TNFSF4: variants seen among roughly 807,000 people sequenced by gnomAD.
TNFSF4 encodes the protein TNF superfamily member 4.
A neutral mutation model predicts 7.3 loss-of-function variants in TNFSF4; 4 were observed. The ratio of observed to expected loss-of-function variants is 0.55; its 90% CI spans 0.27 to 1.25. The LOEUF (loss-of-function observed/expected upper bound fraction) is 1.25, where lower values mean the gene tolerates loss of function less well. TNFSF4 is among the 50% of genes most tolerant of loss of function. TNFSF4 has a pLI of 0.12. For missense variants in TNFSF4, 181 were observed against 208.8 expected (o/e 0.87, Z 0.82); for synonymous variants, 76 against 83.7 (o/e 0.91, Z 0.50).
At chr1:173,362,832 A>AG in the TNFSF4 span, 3 of 438,010 alleles carry the variant, frequency 6.8e-6, no homozygotes, top group African/African-American at 6.1e-5. Context: ...ATGCAAGACA[A>AG]GCTGAACATT....
At chr1:173,381,786 G>A in the TNFSF4 span, among the ~76,000 whole-genome samples, 12 of 152,292 alleles carry the variant, frequency 7.9e-5, no homozygotes, top group South Asian at 4.1e-4. Context: ...CTTCTGGGTC[G>A]GGTGGGGACT....
the TNFSF4 span, among the ~76,000 whole-genome samples, chr1:173,247,120 C>A: frequency 6.6e-6 from 1 of 152,176 alleles, no homozygotes; most frequent in African/African-American, 2.4e-5. Flanking sequence ...CAAAATGTGT[C>A]CTCCTACTCA....
At chr1:173,359,815 T>A in the TNFSF4 span, among the ~76,000 whole-genome samples, 1 of 152,254 alleles carries the variant, frequency 6.6e-6, no homozygotes, top group Non-Finnish European at 1.5e-5. Context: ...TTATTTGTAC[T>A]GCACACGGGG....
At chr1:173,241,884 C>T in the TNFSF4 span, among the ~76,000 whole-genome samples, 20 of 152,300 alleles carry the variant, frequency 1.3e-4, no homozygotes, top group African/African-American at 4.8e-4. Flanking sequence ...CTGGCTGATA[C>T]GGGAACTGCC....
At chr1:173,250,734 C>T in the TNFSF4 span, among the ~76,000 whole-genome samples, 1 of 152,154 alleles carries the variant, frequency 6.6e-6, no homozygotes, top group African/African-American at 2.4e-5. Context: ...GCTGGGATTA[C>T]AGGCGTGAGC....
At chr1:173,303,961 A>G in the TNFSF4 span, among the ~76,000 whole-genome samples, 1 of 151,962 alleles carries the variant, frequency 6.6e-6, no homozygotes, top group Non-Finnish European at 1.5e-5. Context: ...TTAATGCAAC[A>G]GCATTTTCAG....
the TNFSF4 span, among the ~76,000 whole-genome samples, chr1:173,244,363 C>A: frequency 6.6e-6 from 1 of 152,092 alleles, no homozygotes; most frequent in Admixed American, 6.5e-5. Flanking sequence ...ATAAACCCGG[C>A]CGGGCGCGGT....
chr1:173,297,301 G>A, the TNFSF4 span, among the ~76,000 whole-genome samples: 3 of 151,706 alleles, frequency 2.0e-5, no homozygotes, highest in East Asian at 5.8e-4. Flanking sequence ...GAAGGGAGAA[G>A]TTATCTGGCA....
At chr1:173,266,039 C>T in the TNFSF4 span, among the ~76,000 whole-genome samples, 4 of 152,138 alleles carry the variant, frequency 2.6e-5, no homozygotes, top group African/African-American at 9.7e-5. Context: ...TATGTCCTGT[C>T]TTCCAAAAGT....
chr1:173,389,365 T>C, the TNFSF4 span, among the ~76,000 whole-genome samples: 53 of 152,336 alleles, frequency 3.5e-4, 1 homozygote, highest in African/African-American at 1.3e-3. Flanking sequence ...TAGTTCTAAA[T>C]ATGTTAAATA....
the TNFSF4 span, among the ~76,000 whole-genome samples, chr1:173,252,061 G>A: frequency 6.6e-6 from 1 of 152,094 alleles, no homozygotes; most frequent in Non-Finnish European, 1.5e-5. Flanking sequence ...TATGTTAATA[G>A]ATGGTTTTAG....
chr1:173,192,284 G>T (rs1247036440), intron 1 of TNFSF4, among the ~76,000 whole-genome samples: 1 of 152,142 alleles, frequency 6.6e-6, no homozygotes, highest in African/African-American at 2.4e-5. Context: ...TAGCAGCTTT[G>T]TTCATAATTG....
chr1:173,395,377 AATATATATATATATATAT>A, the TNFSF4 span, among the ~76,000 whole-genome samples: 6,603 of 63,270 alleles, frequency 0.1, 902 homozygotes, highest in African/African-American at 0.31. Flanking sequence ...CTGTGTATAT[AATATATATATATATATAT>A]ATATATATAT....
chr1:173,403,077 C>T, the TNFSF4 span, among the ~76,000 whole-genome samples: 1 of 152,130 alleles, frequency 6.6e-6, no homozygotes, highest in Admixed American at 6.5e-5. Flanking sequence ...ATCTCAAACT[C>T]CTGTGCTCAA....
the TNFSF4 span, among the ~76,000 whole-genome samples, chr1:173,426,392 G>T: frequency 6.6e-5 from 10 of 152,128 alleles, no homozygotes; most frequent in Non-Finnish European, 2.9e-5. Context: ...TGCTTCTTTA[G>T]TTCAAAATAC....
chr1:173,329,252 G>T, the TNFSF4 span, among the ~76,000 whole-genome samples: 1 of 152,058 alleles, frequency 6.6e-6, no homozygotes, highest in East Asian at 1.9e-4. Flanking sequence ...AAATGACATT[G>T]TATTTGCATA....
the TNFSF4 span, among the ~76,000 whole-genome samples, chr1:173,429,078 T>C: frequency 6.6e-6 from 1 of 151,848 alleles, no homozygotes; most frequent in East Asian, 1.9e-4. Flanking sequence ...GGAGAGAGGA[T>C]ATGTGTAAAA....
the TNFSF4 span, among the ~76,000 whole-genome samples, chr1:173,388,227 A>G: frequency 6.6e-6 from 1 of 152,226 alleles, no homozygotes; most frequent in African/African-American, 2.4e-5. Context: ...ACTGTGGTAC[A>G]CTTGTTCCAT....
chr1:173,415,799 G>A, the TNFSF4 span, among the ~76,000 whole-genome samples: 2 of 152,188 alleles, frequency 1.3e-5, no homozygotes, highest in Admixed American at 1.3e-4. Flanking sequence ...GAATGCAAAT[G>A]CTCTTTCTAA....
Sources: gnomAD v4.1 joint callset for allele counts (sites outside exome capture counted in the v4.1 genomes callset) on GRCh38, gnomAD v4.1.1 for gene constraint, MANE v1.5 for transcripts, NCBI Gene and HGNC (gene_info 2026-07-23, HGNC 2026-07-21) for gene names.